Variants in MOB3B observed in about 807,000 individuals in gnomAD.
MOB3B encodes MOB kinase activator-like 2B.
A neutral mutation model predicts 18.7 loss-of-function variants in MOB3B; 7 were observed. The observed-to-expected ratio is 0.37, with a 90% confidence interval of 0.21 to 0.70. MOB3B has a LOEUF of 0.70. Ranked by LOEUF, MOB3B falls within the 30% of genes least tolerant of loss-of-function variation. MOB3B has a pLI of 0.52. For missense variants in MOB3B, 253 were observed against 281.3 expected (o/e 0.90, Z 0.72); for synonymous variants, 111 against 99.9 (o/e 1.11, Z -0.66).
chr9:27,454,996 T>G, intron 2 of MOB3B, 137 bp downstream of exon 2: 1 of 911,330 alleles, frequency 1.1e-6, no homozygotes, highest in Non-Finnish European at 1.7e-6. Context: ...ATGAGGCTCT[T>G]ATATATCACT....
intron 1 of MOB3B, among the ~76,000 whole-genome samples, chr9:27,513,044 A>T (rs1236887537): frequency 2.0e-5 from 3 of 152,208 alleles, no homozygotes; most frequent in Non-Finnish European, 4.4e-5. Context: ...AAGGGAGCTA[A>T]CCTAGTTTAA....
At chr9:27,439,261 G>A (rs954277037) in intron 2 of MOB3B, among the ~76,000 whole-genome samples, 1 of 152,102 alleles carries the variant, frequency 6.6e-6, no homozygotes, top group Non-Finnish European at 1.5e-5. Flanking sequence ...AAATGTTACA[G>A]ACATTGAATT....
chr9:27,382,367 C>T (rs1304923696), intron 2 of MOB3B, among the ~76,000 whole-genome samples: 1 of 152,124 alleles, frequency 6.6e-6, no homozygotes, highest in Non-Finnish European at 1.5e-5. Flanking sequence ...CCCAGGTTCC[C>T]CTTAACACAC....
At chr9:27,354,621 T>G (rs958477126) in intron 3 of MOB3B, among the ~76,000 whole-genome samples, 16 of 152,166 alleles carry the variant, frequency 1.1e-4, no homozygotes. Context: ...GAGTGACCAG[T>G]GTGTAATCCC....
chr9:27,369,868 T>C (rs554888584), intron 2 of MOB3B, among the ~76,000 whole-genome samples: 1 of 152,054 alleles, frequency 6.6e-6, no homozygotes, highest in African/African-American at 2.4e-5. Context: ...ACCCTCAGTC[T>C]AGGTAGGCAT....
intron 2 of MOB3B, among the ~76,000 whole-genome samples, chr9:27,415,723 T>A (rs1822135731): frequency 6.6e-6 from 1 of 152,220 alleles, no homozygotes; most frequent in Non-Finnish European, 1.5e-5. Context: ...AGGTCCTAGC[T>A]AATTTCAATG....
At chr9:27,422,619 A>G (rs888730095) in intron 2 of MOB3B, among the ~76,000 whole-genome samples, 5 of 152,226 alleles carry the variant, frequency 3.3e-5, no homozygotes, top group African/African-American at 1.2e-4. Flanking sequence ...GGAGTGATGC[A>G]CTTCTTAAGC....
intron 3 of MOB3B, among the ~76,000 whole-genome samples, chr9:27,350,219 C>T (rs1358794735): frequency 2.0e-5 from 3 of 149,488 alleles, no homozygotes; most frequent in Non-Finnish European, 1.5e-5. Context: ...CTTAGAAAGC[C>T]CCAAAAAGTA....
intron 1 of MOB3B, among the ~76,000 whole-genome samples, chr9:27,489,125 C>G (rs895624014): frequency 3.3e-5 from 5 of 152,232 alleles, no homozygotes; most frequent in African/African-American, 1.2e-4. Flanking sequence ...CAGCTTTTCG[C>G]TGGTGCTTCA....
rs10812586 is a variant in MOB3B at position 27,406,113 on chromosome 9, C to G, written c.419-46877G>C. On this transcript the variant is annotated intron_variant, in intron 2 of 3. Transcript: ENST00000262244. ...GGAAAGAAATAAAGGGCATCTAAAT[C>G]AGAAAACAATGAAGTCAAACTAGCC... is the stretch of plus-strand genomic sequence containing the variant. Among the ~76,000 whole-genome samples the G allele has an allele frequency of 0.029, 4,429 of 152,176 alleles. 306 individuals are homozygous for G. In the East Asian group the frequency reaches 0.32, roughly 11 times the overall value.
In MOB3B at chr9:27,341,690, G is replaced by A. The variant is rs375980959; in HGVS notation, c.622-11074C>T. On this transcript the variant is annotated intron_variant, in intron 3 of 3. Coordinates refer to ENST00000262244, the MANE Select transcript of MOB3B (RefSeq NM_024761.5). ...CCTCAGGAGCTGGTCACCACTTTGT[G>A]CCCGACTCTGTCACTGACTCTCAGG... is the stretch of plus-strand genomic sequence containing the variant. Among the ~76,000 whole-genome samples, 5 of 152,166 alleles carry A rather than the reference G, an allele frequency of 3.3e-5. No individual in the cohort carries two copies. The East Asian group carries it at 5.8e-4, about 18-fold the overall frequency.
intron 2 of MOB3B, among the ~76,000 whole-genome samples, chr9:27,441,401 T>C (rs1301485590): frequency 1.3e-5 from 2 of 152,156 alleles, no homozygotes; most frequent in African/African-American, 4.8e-5. Context: ...ATATCTGAAT[T>C]GCTGGCATCA....
chr9:27,463,434 GA>G (rs1039985128), intron 1 of MOB3B, among the ~76,000 whole-genome samples: 2 of 151,756 alleles, frequency 1.3e-5, no homozygotes, highest in Admixed American at 6.6e-5. Flanking sequence ...GGTAGTTAAA[GA>G]AAAAAAACAA....
chr9:27,380,880 G>C (rs546049292), intron 2 of MOB3B, among the ~76,000 whole-genome samples: 2 of 152,170 alleles, frequency 1.3e-5, no homozygotes, highest in Non-Finnish European at 2.9e-5. Flanking sequence ...AAGATGTCTG[G>C]GGCTTTCCAC....
intron 3 of MOB3B, among the ~76,000 whole-genome samples, chr9:27,333,004 A>T (rs1563842375): frequency 6.6e-6 from 1 of 152,180 alleles, no homozygotes; most frequent in African/African-American, 2.4e-5. Context: ...AAAATGCCAG[A>T]TTTTTTTCTT....
chr9:27,516,912 CA>C (rs1456267232), intron 1 of MOB3B, among the ~76,000 whole-genome samples: 1 of 152,196 alleles, frequency 6.6e-6, no homozygotes, highest in Non-Finnish European at 1.5e-5. Flanking sequence ...CTATCTCAGA[CA>C]ATTCAAAGCA....
At chr9:27,429,557 G>C (rs1406358908) in intron 2 of MOB3B, among the ~76,000 whole-genome samples, 1 of 152,150 alleles carries the variant, frequency 6.6e-6, no homozygotes, top group Non-Finnish European at 1.5e-5. Context: ...AGAGAAACTA[G>C]AACTAAGACA....
chr9:27,511,384 G>T (rs1013795906), intron 1 of MOB3B, among the ~76,000 whole-genome samples: 1 of 152,072 alleles, frequency 6.6e-6, no homozygotes, highest in Non-Finnish European at 1.5e-5. Flanking sequence ...GGATAAAATT[G>T]TCCATCCTGC....
At chr9:27,513,906 T>A (rs905022820) in intron 1 of MOB3B, among the ~76,000 whole-genome samples, 2 of 974 alleles carry the variant, frequency 2.1e-3, no homozygotes, top group Non-Finnish European at 4.4e-3. Flanking sequence ...GATGGATGGA[T>A]GGATGGATGG....
Sources: gnomAD v4.1 joint callset for allele counts (sites outside exome capture counted in the v4.1 genomes callset) on GRCh38, gnomAD v4.1.1 for gene constraint, MANE v1.5 for transcripts, NCBI Gene and HGNC (gene_info 2026-07-23, HGNC 2026-07-21) for gene names.